Variants in ZNF385D observed in about 807,000 individuals in gnomAD.
ZNF385D encodes zinc finger protein 385D.
Under a neutral mutation model 35.8 loss-of-function variants are expected in ZNF385D, and 15 were observed. The ratio of observed to expected loss-of-function variants is 0.42; its 90% CI spans 0.28 to 0.64. The LOEUF is 0.64. ZNF385D is among the 30% of genes least tolerant of loss of function. ZNF385D has a pLI of 0.23. For synonymous variants in ZNF385D, 212 were observed against 186.8 expected (o/e 1.13, Z -1.10); for missense variants, 474 against 494.6 (o/e 0.96, Z 0.39).
chr3:22,049,786 G>T (rs1304778104), intron 3 of ZNF385D, among the ~76,000 whole-genome samples: 1 of 152,102 alleles, frequency 6.6e-6, no homozygotes, highest in Non-Finnish European at 1.5e-5. Flanking sequence ...TTCTGTTAAT[G>T]TGGTATATTG....
In ZNF385D at chr3:21,510,979, C is replaced by T. The variant is rs763821088; in HGVS notation, c.321G>A (p.Lys107=). The T allele has an allele frequency of 1.9e-6, 3 of 1,614,112 alleles. No homozygotes were observed. Among genetic ancestry groups the T allele is most frequent in the East Asian group, 2.2e-5 (1 of 44,878 alleles). The change falls in exon 4 of 8, where the codon AAG becomes AAA. Residue 107 remains lysine (K), a synonymous_variant. Coordinates refer to ENST00000281523, the MANE Select transcript of ZNF385D (RefSeq NM_024697.3). Reference sequence around the variant, plus strand: ...TTTTCATGGCTTCCAGTGCTTTGAGCTTCTTGGCATGTTTCGTGCCTTTGT... The same window carrying T: ...TTTTCATGGCTTCCAGTGCTTTGAGTTTCTTGGCATGTTTCGTGCCTTTGT... The part of the protein sequence containing the change: ...AHYKGTKHAK[K]LKALEAMKNK...
chr3:21,652,909 GA>G lies in ZNF385D; in HGVS notation c.165+11976del, dbSNP rs978119286. Among the ~76,000 whole-genome samples the G allele has an allele frequency of 3.6e-4, 55 of 152,162 alleles. 1 individual carries two copies. In the South Asian group the frequency reaches 6.2e-3, roughly 17 times the overall value. On this transcript the variant is annotated intron_variant, in intron 2 of 7. Coordinates refer to ENST00000281523, the MANE Select transcript of ZNF385D (RefSeq NM_024697.3). ...ATTAACGTGTCTTCATTTTTGTTCA[GA>G]TTTTTTTTTAAATAACAAAACTTGA...
chr3:22,196,168 C>A (rs1696399439), intron 2 of ZNF385D, among the ~76,000 whole-genome samples: 1 of 151,966 alleles, frequency 6.6e-6, no homozygotes, highest in Non-Finnish European at 1.5e-5. Context: ...TACCCCTGAA[C>A]TTAAAAGTTA....
chr3:21,910,780 A>G (rs894613850), intron 3 of ZNF385D, among the ~76,000 whole-genome samples: 1 of 151,800 alleles, frequency 6.6e-6, no homozygotes, highest in African/African-American at 2.4e-5. Flanking sequence ...AGAATACTAG[A>G]TAAATTCCGT....
chr3:22,206,531 A>C (rs1697166586), intron 2 of ZNF385D, among the ~76,000 whole-genome samples: 1 of 152,028 alleles, frequency 6.6e-6, no homozygotes, highest in Admixed American at 6.6e-5. Context: ...TTAGGCCATA[A>C]AACAAGTCTT....
intron 3 of ZNF385D, among the ~76,000 whole-genome samples, chr3:21,828,780 G>C (rs1013791776): frequency 4.0e-5 from 6 of 150,286 alleles, no homozygotes; most frequent in African/African-American, 1.2e-4. Context: ...TGAATTCAAC[G>C]TACTGGCAAG....
At chr3:22,136,103 G>T (rs952147836) in intron 3 of ZNF385D, among the ~76,000 whole-genome samples, 1 of 152,188 alleles carries the variant, frequency 6.6e-6, no homozygotes, top group African/African-American at 2.4e-5. Flanking sequence ...CGTATAAGAG[G>T]CCAGGCGTGG....
chr3:22,280,728 G>A (rs1046651013), intron 2 of ZNF385D, among the ~76,000 whole-genome samples: 2 of 152,020 alleles, frequency 1.3e-5, no homozygotes, highest in African/African-American at 4.8e-5. Context: ...TTCTTGCTTA[G>A]TCTTGCTTTA....
intron 3 of ZNF385D, among the ~76,000 whole-genome samples, chr3:22,048,897 G>A (rs1339095870): frequency 6.6e-6 from 1 of 152,036 alleles, no homozygotes; most frequent in Non-Finnish European, 1.5e-5. Context: ...CTTTTCATTT[G>A]TCTGTATCTT....
chr3:22,174,096 T>A (rs1348144696), intron 2 of ZNF385D, among the ~76,000 whole-genome samples: 1 of 151,838 alleles, frequency 6.6e-6, no homozygotes, highest in Non-Finnish European at 1.5e-5. Context: ...ATTTATAAAC[T>A]TCATATTTGC....
At chr3:21,570,300 T>C (rs2063296404) in intron 2 of ZNF385D, among the ~76,000 whole-genome samples, 1 of 152,032 alleles carries the variant, frequency 6.6e-6, no homozygotes, top group Non-Finnish European at 1.5e-5. Flanking sequence ...TTCCCTCACC[T>C]CCCCTCTGGG....
At chr3:21,435,270 T>TTTA (rs1039516494) in intron 5 of ZNF385D, among the ~76,000 whole-genome samples, 1 of 148,982 alleles carries the variant, frequency 6.7e-6, no homozygotes, top group Non-Finnish European at 1.5e-5. Context: ...TTTTTTTTTT[T>TTTA]TTTTTTTGAG....
At chr3:22,096,372 C>A (rs889581826) in intron 3 of ZNF385D, among the ~76,000 whole-genome samples, 10 of 149,462 alleles carry the variant, frequency 6.7e-5, no homozygotes, top group Admixed American at 4.0e-4. Flanking sequence ...AAGAAAAAAA[C>A]TGTTTATGGC....
chr3:21,541,887 C>CA (rs1043857156), intron 3 of ZNF385D, among the ~76,000 whole-genome samples: 1 of 151,970 alleles, frequency 6.6e-6, no homozygotes, highest in Non-Finnish European at 1.5e-5. Context: ...AAAAGAGATA[C>CA]AAAAAAACTG....
chr3:21,969,480 T>C (rs1308374166), intron 3 of ZNF385D, among the ~76,000 whole-genome samples: 1 of 152,072 alleles, frequency 6.6e-6, no homozygotes, highest in Admixed American at 6.5e-5. Context: ...GAGCTGTGAG[T>C]CAATTAAATC....
chr3:21,792,374 A>C (rs969173262), intron 3 of ZNF385D, among the ~76,000 whole-genome samples: 1 of 152,142 alleles, frequency 6.6e-6, no homozygotes, highest in Non-Finnish European at 1.5e-5. Context: ...CAGCCCTCAG[A>C]CTAAATCTGG....
At chr3:21,816,961 G>A (rs2073176212) in intron 3 of ZNF385D, among the ~76,000 whole-genome samples, 1 of 152,218 alleles carries the variant, frequency 6.6e-6, no homozygotes, top group South Asian at 2.1e-4. Context: ...AACCAAAACA[G>A]CATGGTACTG....
intron 3 of ZNF385D, among the ~76,000 whole-genome samples, chr3:22,011,098 T>G (rs2125436926): frequency 1.3e-5 from 2 of 152,290 alleles, no homozygotes; most frequent in Admixed American, 1.3e-4. Context: ...CCAAATTGTT[T>G]CCAGAAGCAT....
At chr3:21,990,937 A>G (rs560027765) in intron 3 of ZNF385D, among the ~76,000 whole-genome samples, 36 of 152,330 alleles carry the variant, frequency 2.4e-4, no homozygotes, top group Admixed American at 3.9e-4. Flanking sequence ...TTTCTAAACA[A>G]CAAATGCGTG....
Sources: allele counts gnomAD v4.1 joint callset (sites outside exome capture counted in the v4.1 genomes callset), GRCh38; gene constraint gnomAD v4.1.1; transcripts MANE v1.5; gene names NCBI Gene and HGNC (gene_info 2026-07-23, HGNC 2026-07-21).